The following EML6 variants were observed in gnomAD, a reference collection of about 807,000 sequenced individuals.
EML6 encodes the protein EMAP like 6, also known as echinoderm microtubule-associated protein-like 6.
A neutral mutation model predicts 240.1 loss-of-function variants in EML6; 154 were observed. The ratio of observed to expected loss-of-function variants is 0.64; its 90% CI spans 0.56 to 0.73. EML6 has a LOEUF of 0.73. EML6 is among the 30% of genes least tolerant of loss of function. The pLI is 0.00. For synonymous variants in EML6, 1,148 were observed against 899.0 expected (o/e 1.28, Z -4.95); for missense variants, 2,964 against 2,474.6 (o/e 1.20, Z -4.20).
At position 54,808,021 on chromosome 2, in the gene EML6, G is replaced by A. The variant is rs556897073; in HGVS notation, c.198-5211G>A. ...TGCACCACTCATCAAGCTTGTTAAAGTCCAGTTTTAGGGACCCCCCCTGCT... is the reference window on the plus strand; with the variant it reads ...TGCACCACTCATCAAGCTTGTTAAAATCCAGTTTTAGGGACCCCCCCTGCT... On this transcript the variant is annotated intron_variant, in intron 2 of 41. Coordinates refer to ENST00000356458, the MANE Select transcript of EML6 (RefSeq NM_001039753.4). Among the ~76,000 whole-genome samples, 502 of 152,322 alleles carry A rather than the reference G, an allele frequency of 3.3e-3. 4 individuals carry two copies. The highest frequency in any genetic ancestry group is 0.011 in the African/African-American group (469 of 41,566).
At chr2:54,761,777 C>T (rs929126547) in intron 2 of EML6, among the ~76,000 whole-genome samples, 2 of 151,948 alleles carry the variant, frequency 1.3e-5, no homozygotes, top group African/African-American at 2.4e-5. Flanking sequence ...CAAGAATAGT[C>T]CACAGATTTC....
chr2:54,968,822 C>A, intron 41 of EML6, 54 bp downstream of exon 41: 3 of 989,446 alleles, frequency 3.0e-6, no homozygotes, highest in Non-Finnish European at 4.7e-6. Context: ...AGCTCTCCCT[C>A]CCCATCTCAG....
intron 3 of EML6, among the ~76,000 whole-genome samples, chr2:54,816,070 A>G (rs144779708): frequency 2.0e-5 from 3 of 152,332 alleles, no homozygotes; most frequent in African/African-American, 4.8e-5. Flanking sequence ...GAAAAGCCAA[A>G]TCTACTTATA....
intron 2 of EML6, among the ~76,000 whole-genome samples, chr2:54,768,552 C>T (rs923232373): frequency 1.3e-5 from 2 of 152,082 alleles, no homozygotes; most frequent in African/African-American, 2.4e-5. Context: ...AGTTAATTTG[C>T]GTAAATCTCT....
chr2:54,785,228 T>A (rs1669028625), intron 2 of EML6, among the ~76,000 whole-genome samples: 1 of 142,382 alleles, frequency 7.0e-6, no homozygotes, highest in Non-Finnish European at 1.5e-5. Flanking sequence ...CAGACTGGAG[T>A]GCAGTGGCGC....
At chr2:54,879,155 ATT>A (rs1671683738) in intron 16 of EML6, among the ~76,000 whole-genome samples, 1 of 152,206 alleles carries the variant, frequency 6.6e-6, no homozygotes, top group Non-Finnish European at 1.5e-5. Flanking sequence ...ATGTCATGAG[ATT>A]TGTTTGTCAC....
At chr2:54,948,232 G>C (rs1675788385) in intron 28 of EML6, among the ~76,000 whole-genome samples, 1 of 152,178 alleles carries the variant, frequency 6.6e-6, no homozygotes, top group South Asian at 2.1e-4. Flanking sequence ...CCAAAACGGA[G>C]GCGGGAAAAG....
chr2:54,791,921 T>TGAA (rs995051291), intron 2 of EML6, among the ~76,000 whole-genome samples: 2 of 152,218 alleles, frequency 1.3e-5, no homozygotes, highest in Non-Finnish European at 2.9e-5. Flanking sequence ...TCTGATTCTA[T>TGAA]GAAGGAGTAA....
chr2:54,903,989 A>G (rs1343665913), intron 24 of EML6, among the ~76,000 whole-genome samples: 1 of 151,592 alleles, frequency 6.6e-6, no homozygotes, highest in Non-Finnish European at 1.5e-5. Context: ...CTCCCAACCT[A>G]CTCCTACCTC....
chr2:54,942,379 T>C (rs995098119), intron 28 of EML6, among the ~76,000 whole-genome samples: 1 of 152,220 alleles, frequency 6.6e-6, no homozygotes, highest in East Asian at 1.9e-4. Context: ...CTCCGAAGAC[T>C]GTGGCAGAGT....
At chr2:54,919,886 G>A (rs188455848) in intron 26 of EML6, among the ~76,000 whole-genome samples, 33 of 152,296 alleles carry the variant, frequency 2.2e-4, no homozygotes, top group African/African-American at 7.2e-4. Context: ...CTGGAATCCC[G>A]TTCCTGTTTC....
intron 7 of EML6, among the ~76,000 whole-genome samples, chr2:54,839,526 T>C (rs939537891): frequency 6.6e-6 from 1 of 152,248 alleles, no homozygotes; most frequent in Non-Finnish European, 1.5e-5. Flanking sequence ...TAAGTTGATA[T>C]TGCAAGCAAT....
chr2:54,891,797 G>A (rs1309805930), intron 18 of EML6, among the ~76,000 whole-genome samples: 2 of 152,194 alleles, frequency 1.3e-5, no homozygotes, highest in African/African-American at 2.4e-5. Flanking sequence ...ATGCCACCCA[G>A]TATGTCTGGA....
intron 41 of EML6, 31 bp from the exon 42 acceptor site, chr2:54,970,040 T>C (rs992916089): frequency 1.3e-6 from 2 of 1,551,518 alleles, no homozygotes; most frequent in Non-Finnish European, 1.7e-6. Context: ...TGTCCAGCTA[T>C]GCAAAATGAC....
intron 2 of EML6, among the ~76,000 whole-genome samples, chr2:54,787,185 G>T (rs1669136709): frequency 6.6e-6 from 1 of 152,032 alleles, no homozygotes; most frequent in South Asian, 2.1e-4. Context: ...TTCAGGGGTT[G>T]GTAGTTCTCG....
At chr2:54,828,557 C>T (rs2104172890) in intron 6 of EML6, among the ~76,000 whole-genome samples, 1 of 152,334 alleles carries the variant, frequency 6.6e-6, no homozygotes, top group Non-Finnish European at 1.5e-5. Flanking sequence ...TTAAGCAACT[C>T]TTAGAGCTAT....
chr2:54,809,437 C>T (rs111427325), intron 2 of EML6, among the ~76,000 whole-genome samples: 241 of 152,288 alleles, frequency 1.6e-3, no homozygotes, highest in Middle Eastern at 0.014. Flanking sequence ...CCCAGGGATT[C>T]AGGGGACAGG....
At chr2:54,877,975 C>T (rs1671599352) in intron 16 of EML6, among the ~76,000 whole-genome samples, 1 of 152,192 alleles carries the variant, frequency 6.6e-6, no homozygotes, top group Admixed American at 6.5e-5. Context: ...AAAGCATGGG[C>T]ATTGGTTAGC....
intron 2 of EML6, among the ~76,000 whole-genome samples, chr2:54,737,335 G>A (rs886589454): frequency 3.3e-5 from 5 of 152,154 alleles, no homozygotes; most frequent in African/African-American, 1.2e-4. Flanking sequence ...GTCTCACTCT[G>A]TTACCCAGGT....
Sources: allele counts gnomAD v4.1 joint callset (sites outside exome capture counted in the v4.1 genomes callset), GRCh38; gene constraint gnomAD v4.1.1; transcripts MANE v1.5; gene names NCBI Gene and HGNC (gene_info 2026-07-23, HGNC 2026-07-21).